The following SAMD12 variants were observed in gnomAD, a reference collection of about 807,000 sequenced individuals.
SAMD12 encodes the protein sterile alpha motif domain containing 12.
Under a neutral mutation model 15.0 loss-of-function variants are expected in SAMD12, and 9 were observed. The ratio of observed to expected loss-of-function variants is 0.60; its 90% CI spans 0.36 to 1.05. The LOEUF (loss-of-function observed/expected upper bound fraction) is 1.05. SAMD12 is among the 50% of genes least tolerant of loss of function. The pLI is 0.01. For missense variants in SAMD12, 230 were observed against 234.2 expected, an observed-to-expected ratio of 0.98 and a Z score of 0.12; for synonymous variants, 86 against 90.1, an observed-to-expected ratio of 0.96 and a Z score of 0.25.
chr8:118,505,920 G>T (rs143246893), intron 2 of SAMD12, among the ~76,000 whole-genome samples: 240 of 152,148 alleles, frequency 1.6e-3, no homozygotes, highest in Non-Finnish European at 2.9e-3. Flanking sequence ...CCCCAGAACA[G>T]AATTTGGATA....
intron 1 of SAMD12, among the ~76,000 whole-genome samples, chr8:118,592,924 T>C (rs1827619378): frequency 1.3e-5 from 2 of 152,106 alleles, no homozygotes; most frequent in African/African-American, 2.4e-5. Context: ...ACCACAGAAA[T>C]ATGTAAAAGC....
chr8:118,302,680 A>G (rs1326447160), intron 4 of SAMD12, among the ~76,000 whole-genome samples: 1 of 152,152 alleles, frequency 6.6e-6, no homozygotes, highest in Non-Finnish European at 1.5e-5. Context: ...TGAAATGTGT[A>G]TGTGTGTTTA....
rs559153416 is a variant in SAMD12 at position 118,364,953 on chromosome 8, T to C, written c.433+14607A>G. Among the ~76,000 whole-genome samples the C allele has an allele frequency of 6.6e-5, 10 of 151,780 alleles. No homozygotes were observed. In the South Asian group the frequency reaches 2.1e-3, roughly 32 times the overall value. On this transcript the variant is annotated intron_variant, in intron 4 of 4. Coordinates refer to the SAMD12 transcript ENST00000409003. ...ACCACAACAGCCTCCTAACTAGATG[T>C]CTTGCCCCCTGTCTTTGCTTTTCCA...
At chr8:118,209,030 T>G (rs1304158154) in intron 4 of SAMD12, among the ~76,000 whole-genome samples, 1 of 152,226 alleles carries the variant, frequency 6.6e-6, no homozygotes, top group Non-Finnish European at 1.5e-5. Flanking sequence ...CTTGTTTACA[T>G]AAACCTCTTT....
the SAMD12 span, among the ~76,000 whole-genome samples, chr8:118,180,882 C>T: frequency 6.6e-6 from 1 of 152,150 alleles, no homozygotes; most frequent in Non-Finnish European, 1.5e-5. Flanking sequence ...TCTTCCTTTG[C>T]TTATGGGCCT....
intron 4 of SAMD12, among the ~76,000 whole-genome samples, chr8:118,340,687 T>C (rs1268887269): frequency 6.6e-6 from 1 of 152,100 alleles, no homozygotes; most frequent in Non-Finnish European, 1.5e-5. Flanking sequence ...GAGAATCACT[T>C]GAACCCGGGA....
intron 2 of SAMD12, among the ~76,000 whole-genome samples, chr8:118,522,389 AG>A (rs1236058362): frequency 5.3e-5 from 8 of 152,164 alleles, no homozygotes; most frequent in Non-Finnish European, 8.8e-5. Context: ...TATTGATGCT[AG>A]GTTTACAGCC....
chr8:118,591,916 A>C lies in SAMD12; in HGVS notation c.14-11023T>G, dbSNP rs1827593133. Among the ~76,000 whole-genome samples the C allele has an allele frequency of 2.0e-5, 3 of 152,210 alleles. No homozygotes were observed. The South Asian group carries it at 6.2e-4, about 31-fold the overall frequency. On this transcript the variant is annotated intron_variant, in intron 1 of 3. Coordinates refer to ENST00000314727, the MANE Select transcript of SAMD12 (RefSeq NM_207506.3). Reference sequence around the variant, plus strand: ...GGGAGGGAAGAAGGAAAAAGTATAGAATTAACATATTCAAAGGACTTTTCA... The same window carrying C: ...GGGAGGGAAGAAGGAAAAAGTATAGCATTAACATATTCAAAGGACTTTTCA...
rs1449107035 is a variant in SAMD12 at position 118,227,654 on chromosome 8, T to C, written c.434-29922A>G. Among the ~76,000 whole-genome samples the C allele has an allele frequency of 2.0e-5, 3 of 152,204 alleles. No homozygotes were observed. The East Asian group carries it at 5.8e-4, about 29-fold the overall frequency. ...GGTTTACTTCTTACTCATAGGGATG[T>C]GATTGAACATGTTATAGAGCTTGAA... On this transcript the variant is annotated intron_variant, in intron 4 of 4. Coordinates refer to the SAMD12 transcript ENST00000409003.
chr8:118,590,117 C>G (rs762512067), intron 1 of SAMD12, among the ~76,000 whole-genome samples: 2 of 151,848 alleles, frequency 1.3e-5, no homozygotes, highest in Non-Finnish European at 2.9e-5. Context: ...GCTATGGGCA[C>G]AGAAAAAAAA....
chr8:118,165,097 T>A, the SAMD12 span, among the ~76,000 whole-genome samples: 2 of 151,866 alleles, frequency 1.3e-5, no homozygotes, highest in Admixed American at 6.6e-5. Flanking sequence ...TAGCATTAGA[T>A]CCCACAGGTT....
At chr8:118,516,288 T>C (rs572617816) in intron 2 of SAMD12, among the ~76,000 whole-genome samples, 3 of 152,376 alleles carry the variant, frequency 2.0e-5, no homozygotes, top group South Asian at 2.1e-4. Context: ...TTATGTACTA[T>C]CTAAAAACTG....
intron 4 of SAMD12, among the ~76,000 whole-genome samples, chr8:118,299,313 G>T (rs527592125): frequency 3.9e-4 from 60 of 152,274 alleles, no homozygotes; most frequent in African/African-American, 1.3e-3. Flanking sequence ...TTTAGGCAGG[G>T]TTCAGAGAAA....
In SAMD12 at chr8:118,245,220, C is replaced by T. The variant is rs1812657788; in HGVS notation, c.434-47488G>A. Among the ~76,000 whole-genome samples, 4 of 152,126 alleles carry T rather than the reference C, an allele frequency of 2.6e-5. No homozygotes were observed. In the South Asian group the frequency reaches 8.3e-4, roughly 32 times the overall value. ...GGCAGATAATTATGTTTTTTGGAGA[C>T]AAGATATCAAAGTTTACTAAGAAGC... On this transcript the variant is annotated intron_variant, in intron 4 of 4. Coordinates refer to the SAMD12 transcript ENST00000409003.
chr8:118,436,650 T>C (rs904339019), intron 3 of SAMD12, among the ~76,000 whole-genome samples: 9 of 152,170 alleles, frequency 5.9e-5, no homozygotes, highest in African/African-American at 2.2e-4. Context: ...AAGAGATACA[T>C]GAACAATCTT....
chr8:118,454,235 C>G (rs1178105242), intron 2 of SAMD12, among the ~76,000 whole-genome samples: 1 of 152,162 alleles, frequency 6.6e-6, no homozygotes, highest in African/African-American at 2.4e-5. Flanking sequence ...GAGTTCTAAG[C>G]TGAAAAAACA....
rs1300366304 is a variant in SAMD12, at chr8:118,379,614, C to T, written c.409G>A (p.Val137Met). ...TCTTCTCGCACCTTCAGCTGGAGCA[C>T]CTGTTGTAAGATGTGCTGCCGGAGG... Reference protein sequence around the residue: ...ENLRQHILQQVLQLKVREEVR... With the variant: ...ENLRQHILQQMLQLKVREEVR... The change falls in exon 4 of 4, where the codon GTG becomes ATG. Residue 137 changes from valine (V) to methionine (M), a missense_variant. Physicochemically the swap from Val to Met is conservative, Grantham distance 21. Coordinates refer to ENST00000314727, the MANE Select transcript of SAMD12 (RefSeq NM_207506.3). 9.9e-6 allele frequency: 16 copies of T among 1,613,826 alleles called. No individual in the cohort carries two copies. Among genetic ancestry groups the T allele is most frequent in the Admixed American group, 3.3e-5 (2 of 59,968 alleles).
intron 4 of SAMD12, among the ~76,000 whole-genome samples, chr8:118,252,614 CTTA>C (rs1812845327): frequency 1.3e-5 from 2 of 152,058 alleles, no homozygotes; most frequent in Non-Finnish European, 2.9e-5. Flanking sequence ...AGTTCTCTTT[CTTA>C]CTCCCTCCCT....
In SAMD12 at chr8:118,378,805, A is replaced by C; in HGVS notation, c.*612T>G. 1 of 985,468 alleles carries C rather than the reference A, an allele frequency of 1.0e-6. No homozygotes were observed. The highest frequency in any genetic ancestry group is 1.2e-6 in the Non-Finnish European group (1 of 829,934). 61.0% of individuals were successfully genotyped at this position (985,468 alleles called of 1,614,324 possible). ...AGACATATCAGTTACATATAGTGTA[A>C]CTTAAGGCTTTCTTCGAATTCTAGC... is the stretch of plus-strand genomic sequence containing the variant. On this transcript the variant is annotated 3_prime_UTR_variant, in exon 4 of 4. Coordinates refer to ENST00000314727, the MANE Select transcript of SAMD12 (RefSeq NM_207506.3).
Sources: allele counts gnomAD v4.1 joint callset (sites outside exome capture counted in the v4.1 genomes callset), GRCh38; gene constraint gnomAD v4.1.1; transcripts MANE v1.5; gene names NCBI Gene and HGNC (gene_info 2026-07-23, HGNC 2026-07-21).